PTPRN2: variants seen among roughly 807,000 people sequenced by gnomAD.
The protein encoded by PTPRN2 is protein tyrosine phosphatase receptor type N2, also known as receptor-type tyrosine-protein phosphatase N2.
A neutral mutation model predicts 118.8 loss-of-function variants in PTPRN2; 74 were observed. The ratio of observed to expected loss-of-function variants is 0.62; its 90% CI spans 0.52 to 0.76. PTPRN2 has a LOEUF of 0.76. PTPRN2 is among the 30% of genes least tolerant of loss of function. The probability of loss-of-function intolerance (pLI) is 0.00; values close to 1 mark genes in which losing one functional copy is unlikely to be tolerated. For missense variants in PTPRN2, 1,481 were observed against 1,394.4 expected (o/e 1.06, Z -0.99); for synonymous variants, 641 against 608.0 (o/e 1.05, Z -0.80).
At position 158,383,013 on chromosome 7, in the gene PTPRN2, C is replaced by T. The variant is rs191009125; in HGVS notation, c.164-66081G>A. On this transcript the variant is annotated intron_variant, in intron 2 of 22. Transcript: ENST00000389418. ...TCCCTGGTGCCAAAAAGGTTGGGGA[C>T]CACTGTCTTACAGCCTATTGATAAA... Among the ~76,000 whole-genome samples the T allele has an allele frequency of 8.1e-4, 123 of 152,276 alleles. 1 individual carries two copies. Among genetic ancestry groups the T allele is most frequent in the Admixed American group, 5.4e-3 (82 of 15,290 alleles).
At chr7:157,721,038 GCTGA>G (rs72275625) in intron 12 of PTPRN2, among the ~76,000 whole-genome samples, 49,218 of 151,972 alleles carry the variant, frequency 0.32, 8,242 homozygotes, top group African/African-American at 0.36. Context: ...GGTCCACAGA[GCTGA>G]CTATCACAGC....
At chr7:157,599,246 G>A (rs1333296839) in intron 16 of PTPRN2, among the ~76,000 whole-genome samples, 1 of 152,206 alleles carries the variant, frequency 6.6e-6, no homozygotes, top group East Asian at 1.9e-4. Flanking sequence ...CTGACCTCAG[G>A]CAATCTGCCT....
At chr7:157,821,226 C>A (rs1188722577) in intron 12 of PTPRN2, among the ~76,000 whole-genome samples, 3 of 152,234 alleles carry the variant, frequency 2.0e-5, no homozygotes, top group Non-Finnish European at 4.4e-5. Flanking sequence ...TGAGAACCAG[C>A]ACAATCATAA....
chr7:157,969,565 G>A (rs1163779917), intron 11 of PTPRN2, among the ~76,000 whole-genome samples: 1 of 152,108 alleles, frequency 6.6e-6, no homozygotes, highest in South Asian at 2.1e-4. Context: ...AACCTCCTGA[G>A]GTGGGGGCCA....
chr7:157,553,807 A>G (rs898839883), intron 21 of PTPRN2, among the ~76,000 whole-genome samples: 1 of 152,242 alleles, frequency 6.6e-6, no homozygotes, highest in Non-Finnish European at 1.5e-5. Context: ...CTTGCATGCC[A>G]GGATTAAGAC....
Position 157,812,359 on chromosome 7 carries a change from C to G in PTPRN2, c.1788+86314G>C, listed in dbSNP as rs923166089. Among the ~76,000 whole-genome samples, 6 of 151,958 alleles carry G rather than the reference C, an allele frequency of 3.9e-5. No homozygotes were observed. In the East Asian group the frequency reaches 1.2e-3, roughly 29 times the overall value. ...GTTTCGCTTTTTGTCTTTCTTTCCT[C>G]CCTTTCCACTCCACTCCCTTTGGGG... On this transcript the variant is annotated intron_variant, in intron 12 of 22. Coordinates refer to ENST00000389418, the MANE Select transcript of PTPRN2 (RefSeq NM_002847.5).
intron 12 of PTPRN2, among the ~76,000 whole-genome samples, chr7:157,775,891 G>A (rs558666487): frequency 1.8e-4 from 27 of 152,182 alleles, no homozygotes; most frequent in East Asian, 1.4e-3. Context: ...CTACAGTAAC[G>A]CCGCTGTCTC....
At chr7:158,284,307 CTGT>C (rs1799628207) in intron 3 of PTPRN2, among the ~76,000 whole-genome samples, 1 of 152,068 alleles carries the variant, frequency 6.6e-6, no homozygotes, top group Admixed American at 6.5e-5. Context: ...GCACTGGGCA[CTGT>C]TGTGGGCTGG....
chr7:157,791,529 C>T (rs1326643685), intron 12 of PTPRN2, among the ~76,000 whole-genome samples: 1 of 149,494 alleles, frequency 6.7e-6, no homozygotes, highest in African/African-American at 2.5e-5. Flanking sequence ...TCCCTGCACC[C>T]GCCCCCGCTC....
chr7:157,561,556 G>A (rs113726723), intron 21 of PTPRN2, among the ~76,000 whole-genome samples: 3 of 152,318 alleles, frequency 2.0e-5, no homozygotes, highest in African/African-American at 4.8e-5. Flanking sequence ...GACTGAGCAG[G>A]GTTCTGCATC....
intron 2 of PTPRN2, among the ~76,000 whole-genome samples, chr7:158,443,472 G>A (rs537300207): frequency 4.6e-5 from 7 of 152,350 alleles, no homozygotes; most frequent in South Asian, 2.1e-4. Flanking sequence ...GCTGCCCGCC[G>A]CCTGGTCAGT....
At chr7:158,018,651 T>C (rs1311965835) in intron 11 of PTPRN2, among the ~76,000 whole-genome samples, 1 of 152,140 alleles carries the variant, frequency 6.6e-6, no homozygotes, top group Non-Finnish European at 1.5e-5. Flanking sequence ...ACGTTCAGTT[T>C]GTTTCTCTTT....
intron 3 of PTPRN2, among the ~76,000 whole-genome samples, chr7:158,279,804 G>T (rs1295179997): frequency 1.3e-5 from 2 of 152,184 alleles, no homozygotes; most frequent in South Asian, 2.1e-4. Context: ...CGGGCTGAGG[G>T]GCTCTTCGAG....
At chr7:158,002,355 T>G (rs1023958888) in intron 11 of PTPRN2, among the ~76,000 whole-genome samples, 36 of 152,004 alleles carry the variant, frequency 2.4e-4, no homozygotes, top group Non-Finnish European at 5.0e-4. Context: ...ATATGAAAAA[T>G]TAGTGCCACA....
At chr7:158,213,220 G>A (rs923839643) in intron 3 of PTPRN2, among the ~76,000 whole-genome samples, 2 of 151,048 alleles carry the variant, frequency 1.3e-5, no homozygotes, top group Admixed American at 1.3e-4. Flanking sequence ...GTGTGTGTGT[G>A]TGTGTGTGTG....
At chr7:158,236,671 C>T (rs1021459529) in intron 3 of PTPRN2, among the ~76,000 whole-genome samples, 3 of 152,210 alleles carry the variant, frequency 2.0e-5, no homozygotes, top group African/African-American at 7.2e-5. Context: ...CCTGGCCCCC[C>T]AGTTACCCAG....
At chr7:157,597,751 G>A (rs1040681188) in intron 16 of PTPRN2, among the ~76,000 whole-genome samples, 1 of 152,218 alleles carries the variant, frequency 6.6e-6, no homozygotes, top group Admixed American at 6.5e-5. Flanking sequence ...TGGCTGAACA[G>A]GAAGTGTGGG....
chr7:158,046,262 G>A (rs1453459279), intron 11 of PTPRN2, among the ~76,000 whole-genome samples: 1 of 147,756 alleles, frequency 6.8e-6, no homozygotes, highest in African/African-American at 2.5e-5. Context: ...ACACTGCCTT[G>A]TTCTGTCCAG....
At chr7:157,860,792 C>T (rs1271362566) in intron 12 of PTPRN2, among the ~76,000 whole-genome samples, 1 of 152,222 alleles carries the variant, frequency 6.6e-6, no homozygotes, top group Non-Finnish European at 1.5e-5. Flanking sequence ...ACAGAACTGG[C>T]AGCATTCACG....
Sources: gnomAD v4.1 joint callset for allele counts (sites outside exome capture counted in the v4.1 genomes callset) on GRCh38, gnomAD v4.1.1 for gene constraint, MANE v1.5 for transcripts, NCBI Gene and HGNC (gene_info 2026-07-23, HGNC 2026-07-21) for gene names.